HCN1: variants seen among roughly 807,000 people sequenced by gnomAD.
HCN1 encodes potassium/sodium hyperpolarization-activated cyclic nucleotide-gated channel 1.
Under a neutral mutation model 78.9 loss-of-function variants are expected in HCN1, and 13 were observed. That is an observed-to-expected ratio of 0.16 (90% CI 0.11 to 0.26). The LOEUF is 0.26. Among genes scored for constraint, HCN1 ranks in the 10% least tolerant of loss-of-function variants. HCN1 has a pLI of 1.00. For synonymous variants in HCN1, 552 were observed against 455.5 expected (o/e 1.21, Z -2.70); for missense variants, 810 against 1,154.3 (o/e 0.70, Z 4.32).
chr5:45,284,673 G>A (rs77436149), intron 6 of HCN1, among the ~76,000 whole-genome samples: 2,100 of 152,162 alleles, frequency 0.014, 36 homozygotes, highest in Non-Finnish European at 0.024. Flanking sequence ...TTTCCCAGCC[G>A]GGAGCTGGTA....
chr5:45,353,223 C>T lies in HCN1; in HGVS notation c.1254G>A (p.Met418Ile). ...QEKYKQVEQY[M>I]SFHKLPADMR... The stretch of plus-strand genomic sequence containing the variant: ...TATCAGCTGGTAACTTATGGAATGA[C>T]ATGTATTGTTCCACTTGCTTATACT... Residue 418 changes from methionine (M) to isoleucine (I), a missense_variant, in exon 5 of 8, where the codon ATG becomes ATA. Met to Ile is a conservative substitution (Grantham distance 10). This residue lies in a region of HCN1 where 104 missense variants were observed against 402.8 expected (regional missense o/e 0.26). Coordinates refer to ENST00000303230, the MANE Select transcript of HCN1 (RefSeq NM_021072.4). The T allele has an allele frequency of 6.2e-7, 1 of 1,606,342 alleles. No homozygotes were observed. The highest frequency in any genetic ancestry group is 8.5e-7 in the Non-Finnish European group (1 of 1,173,996).
chr5:45,440,015 A>G (rs1385444782), intron 3 of HCN1, among the ~76,000 whole-genome samples: 1 of 148,516 alleles, frequency 6.7e-6, no homozygotes, highest in African/African-American at 2.4e-5. Context: ...AATGTATTAT[A>G]TAGTATCATA....
At chr5:45,319,328 A>C (rs1003199644) in intron 5 of HCN1, among the ~76,000 whole-genome samples, 1 of 151,912 alleles carries the variant, frequency 6.6e-6, no homozygotes, top group African/African-American at 2.4e-5. Flanking sequence ...GTGATGTTTC[A>C]GTTGTCCCAC....
intron 2 of HCN1, among the ~76,000 whole-genome samples, chr5:45,592,671 A>T (rs1744391808): frequency 6.6e-6 from 1 of 152,166 alleles, no homozygotes; most frequent in African/African-American, 2.4e-5. Flanking sequence ...TTATGAACTT[A>T]TGTAAAGAAA....
At chr5:45,401,865 A>T (rs1032552492) in intron 3 of HCN1, among the ~76,000 whole-genome samples, 2 of 151,940 alleles carry the variant, frequency 1.3e-5, no homozygotes, top group African/African-American at 4.8e-5. Context: ...CCACTTTTAT[A>T]CTGAGTTTTA....
At chr5:45,511,483 T>C (rs905057846) in intron 2 of HCN1, among the ~76,000 whole-genome samples, 2 of 152,068 alleles carry the variant, frequency 1.3e-5, no homozygotes, top group African/African-American at 4.8e-5. Context: ...TTAACTTCAA[T>C]GATATGTAAT....
At chr5:45,414,901 ATGCTTGTCTTT>A (rs1423657306) in intron 3 of HCN1, among the ~76,000 whole-genome samples, 1 of 152,020 alleles carries the variant, frequency 6.6e-6, no homozygotes, top group Non-Finnish European at 1.5e-5. Context: ...CTTAATAACT[ATGCTTGTCTTT>A]TGTGCATTTC....
At chr5:45,497,191 G>A (rs1167860398) in intron 2 of HCN1, among the ~76,000 whole-genome samples, 1 of 152,164 alleles carries the variant, frequency 6.6e-6, no homozygotes, top group Non-Finnish European at 1.5e-5. Context: ...GATTTGGGAT[G>A]GAGAATTCTG....
At chr5:45,374,769 AATAT>A (rs34778089) in intron 4 of HCN1, among the ~76,000 whole-genome samples, 1 of 143,246 alleles carries the variant, frequency 7.0e-6, no homozygotes. Flanking sequence ...AAATACTATG[AATAT>A]ATATATATAT....
At chr5:45,296,712 T>C (rs1237302600) in intron 6 of HCN1, among the ~76,000 whole-genome samples, 1 of 151,860 alleles carries the variant, frequency 6.6e-6, no homozygotes. Flanking sequence ...CTAGGAAGAC[T>C]GACCAAGAAA....
chr5:45,323,478 A>G (rs1487183243), intron 5 of HCN1, among the ~76,000 whole-genome samples: 1 of 151,958 alleles, frequency 6.6e-6, no homozygotes, highest in East Asian at 1.9e-4. Context: ...AAAATGGTAG[A>G]ATGCCTTTCT....
chr5:45,280,971 A>G (rs1477252169), intron 6 of HCN1, among the ~76,000 whole-genome samples: 1 of 152,108 alleles, frequency 6.6e-6, no homozygotes, highest in Non-Finnish European at 1.5e-5. Flanking sequence ...TAACCAGGAT[A>G]AAATAGATTT....
At chr5:45,496,110 C>A (rs557815199) in intron 2 of HCN1, among the ~76,000 whole-genome samples, 2,044 of 152,122 alleles carry the variant, frequency 0.013, 18 homozygotes, top group Middle Eastern at 0.027. Context: ...ATGATGCTGG[C>A]CTCATAAAAT....
Position 45,407,298 on chromosome 5 carries a change from G to A in HCN1, c.1012-10588C>T, listed in dbSNP as rs558601106. On this transcript the variant is annotated intron_variant, in intron 3 of 7. Transcript: ENST00000303230. ...TCACTCATCTGCTTGTGGCAATGTGGTGTAAACAAACCTACTCCACTACCA... is the reference window on the plus strand; with the variant it reads ...TCACTCATCTGCTTGTGGCAATGTGATGTAAACAAACCTACTCCACTACCA... 5.3e-5 allele frequency among the ~76,000 whole-genome samples: 8 copies of A among 151,914 alleles called. No individual in the cohort carries two copies. The South Asian group carries it at 1.7e-3, about 32-fold the overall frequency.
chr5:45,282,595 T>C (rs1231644857), intron 6 of HCN1, among the ~76,000 whole-genome samples: 1 of 152,196 alleles, frequency 6.6e-6, no homozygotes, highest in East Asian at 1.9e-4. Flanking sequence ...TAATCTGGCT[T>C]TCAAAACCAT....
chr5:45,316,491 T>C (rs2111927275), intron 5 of HCN1, among the ~76,000 whole-genome samples: 1 of 152,288 alleles, frequency 6.6e-6, no homozygotes, highest in East Asian at 1.9e-4. Context: ...GCATTCCCTT[T>C]GAAAACTGGC....
chr5:45,264,501 A>C (rs1329466698), intron 7 of HCN1, among the ~76,000 whole-genome samples: 1 of 152,246 alleles, frequency 6.6e-6, no homozygotes, highest in Non-Finnish European at 1.5e-5. Flanking sequence ...GAAGATAAAT[A>C]TGTATTGTAA....
At chr5:45,583,439 G>A (rs1285914545) in intron 2 of HCN1, among the ~76,000 whole-genome samples, 1 of 152,010 alleles carries the variant, frequency 6.6e-6, no homozygotes, top group Non-Finnish European at 1.5e-5. Flanking sequence ...AGTCTTGCTA[G>A]CAGTCCATCA....
intron 2 of HCN1, among the ~76,000 whole-genome samples, chr5:45,608,074 C>A (rs1044257035): frequency 1.3e-5 from 2 of 151,698 alleles, no homozygotes; most frequent in Non-Finnish European, 2.9e-5. Flanking sequence ...TTTCTACATA[C>A]AAGCAACAAA....
Sources: allele counts gnomAD v4.1 joint callset (sites outside exome capture counted in the v4.1 genomes callset), GRCh38; gene constraint gnomAD v4.1.1; regional missense constraint gnomAD v4.1.1; transcripts MANE v1.5; gene names NCBI Gene and HGNC (gene_info 2026-07-23, HGNC 2026-07-21).